Variants in MYT1L observed in about 807,000 individuals in gnomAD.
MYT1L encodes myelin transcription factor 1-like protein.
Under a neutral mutation model 126.7 loss-of-function variants are expected in MYT1L, and 12 were observed. The ratio of observed to expected loss-of-function variants is 0.09; its 90% CI spans 0.06 to 0.15. The LOEUF (loss-of-function observed/expected upper bound fraction) is 0.15. Ranked by LOEUF, MYT1L falls within the 10% of genes least tolerant of loss-of-function variation. MYT1L has a pLI of 1.00. For missense variants in MYT1L, 979 were observed against 1,585.2 expected (o/e 0.62, Z 6.49); for synonymous variants, 541 against 604.2 (o/e 0.90, Z 1.53).
intron 3 of MYT1L, among the ~76,000 whole-genome samples, chr2:2,146,376 G>A (rs1237541460): frequency 6.6e-6 from 1 of 152,158 alleles, no homozygotes; most frequent in East Asian, 1.9e-4. Flanking sequence ...CAAGGGCCTG[G>A]AGAGTGTGGC....
chr2:2,265,272 T>C (rs1041214374), intron 2 of MYT1L, among the ~76,000 whole-genome samples: 1 of 152,034 alleles, frequency 6.6e-6, no homozygotes, highest in Non-Finnish European at 1.5e-5. Flanking sequence ...TCTCCCAAAG[T>C]GTTGGGATTA....
rs114651712 is a variant in MYT1L at position 2,088,274 on chromosome 2, T to C, written c.-303-34151A>G. ...TCTAGAAGACGGAAAATAAAATGCA[T>C]TGGGAGAGCAGCACTGGCACCAGTG... is the stretch of plus-strand genomic sequence containing the variant. On this transcript the variant is annotated intron_variant, in intron 3 of 24. Transcript: ENST00000647738. 5.3e-3 allele frequency among the ~76,000 whole-genome samples: 804 copies of C among 152,256 alleles called. 5 individuals carry two copies. The highest frequency in any genetic ancestry group is 0.018 in the African/African-American group (762 of 41,546).
intron 21 of MYT1L, chr2:1,826,037 A>G (rs1002076716): frequency 2.0e-5 from 3 of 152,274 alleles, no homozygotes; most frequent in Non-Finnish European, 4.4e-5. Flanking sequence ...GTCCAGCAGG[A>G]CAGTCGGGCC....
chr2:2,164,605 C>T (rs73913235), intron 3 of MYT1L, among the ~76,000 whole-genome samples: 59 of 152,256 alleles, frequency 3.9e-4, no homozygotes, highest in African/African-American at 1.3e-3. Context: ...AGGGTAGCCA[C>T]CCCAGATTGT....
intron 3 of MYT1L, among the ~76,000 whole-genome samples, chr2:2,060,949 T>C (rs1226712906): frequency 6.6e-6 from 1 of 151,916 alleles, no homozygotes; most frequent in Non-Finnish European, 1.5e-5. Flanking sequence ...CACTTCTCCA[T>C]ATATATATTA....
Position 2,188,891 on chromosome 2 carries a change from A to ATACGGCT in MYT1L, c.-420-15904_-420-15903insAGCCGTA, listed in dbSNP as rs11283617. 2.0e-4 allele frequency among the ~76,000 whole-genome samples: 30 copies of ATACGGCT among 151,904 alleles called. No homozygotes were observed. In the South Asian group the frequency reaches 6.2e-3, roughly 31 times the overall value. ...AAATACAAAAGCTTTGTCCTGCCACAGTCTGATTTCCCTAGGATAGATGGT... is the reference window on the plus strand; with the variant it reads ...AAATACAAAAGCTTTGTCCTGCCACATACGGCTGTCTGATTTCCCTAGGATAGATGGT... On this transcript the variant is annotated intron_variant, in intron 2 of 24. Coordinates refer to ENST00000647738, the MANE Select transcript of MYT1L (RefSeq NM_001303052.2).
intron 2 of MYT1L, among the ~76,000 whole-genome samples, chr2:2,178,865 C>CA (rs1387630317): frequency 2.6e-5 from 4 of 152,192 alleles, no homozygotes; most frequent in Non-Finnish European, 5.9e-5. Context: ...CAGTCCCCAT[C>CA]ACTCCTTTCT....
intron 2 of MYT1L, among the ~76,000 whole-genome samples, chr2:2,268,874 T>C (rs2095199233): frequency 6.6e-6 from 1 of 152,144 alleles, no homozygotes; most frequent in African/African-American, 2.4e-5. Context: ...AAGATAAATC[T>C]GTAGGGAAGA....
intron 2 of MYT1L, among the ~76,000 whole-genome samples, chr2:2,252,157 C>A (rs1383818611): frequency 1.3e-5 from 2 of 152,162 alleles, no homozygotes; most frequent in East Asian, 3.9e-4. Context: ...TGCCCTGTCT[C>A]AGCCAACTTT....
At chr2:1,980,145 TAAG>T (rs1005922555) in intron 5 of MYT1L, among the ~76,000 whole-genome samples, 2 of 149,462 alleles carry the variant, frequency 1.3e-5, no homozygotes, top group African/African-American at 4.9e-5. Flanking sequence ...ATTAGGTTTA[TAAG>T]AAGGTAAATA....
intron 22 of MYT1L, among the ~76,000 whole-genome samples, chr2:1,808,186 C>A (rs73182897): frequency 2.0e-4 from 31 of 152,248 alleles, no homozygotes; most frequent in African/African-American, 5.8e-4. Flanking sequence ...TGAGAATGCA[C>A]GAATACACCT....
At chr2:2,136,841 C>T (rs149817422) in intron 3 of MYT1L, among the ~76,000 whole-genome samples, 180 of 152,004 alleles carry the variant, frequency 1.2e-3, no homozygotes, top group African/African-American at 4.1e-3. Context: ...CTGGCCAGGG[C>T]AATTAGGCAG....
intron 1 of MYT1L, among the ~76,000 whole-genome samples, chr2:2,299,957 C>T (rs1050791921): frequency 3.9e-5 from 6 of 152,202 alleles, no homozygotes; most frequent in Non-Finnish European, 5.9e-5. Flanking sequence ...AAATCAATAC[C>T]ATTTGGTATA....
intron 8 of MYT1L, among the ~76,000 whole-genome samples, chr2:1,956,222 T>TATCTA (rs1451726597): frequency 7.5e-6 from 1 of 133,588 alleles, no homozygotes; most frequent in African/African-American, 4.0e-5. Context: ...TCTATCTATC[T>TATCTA]ATCTGTCTAT....
intron 23 of MYT1L, among the ~76,000 whole-genome samples, chr2:1,798,403 C>CT (rs1219287997): frequency 6.6e-6 from 1 of 152,200 alleles, no homozygotes; most frequent in African/African-American, 2.4e-5. Context: ...CATCACCGGG[C>CT]TGTAGGCCTG....
At chr2:1,869,951 A>G (rs1558222170) in intron 18 of MYT1L, among the ~76,000 whole-genome samples, 1 of 152,204 alleles carries the variant, frequency 6.6e-6, no homozygotes, top group South Asian at 2.1e-4. Flanking sequence ...TTCAAACGAC[A>G]TTAAAAATAA....
intron 3 of MYT1L, among the ~76,000 whole-genome samples, chr2:2,064,440 G>C (rs1373587608): frequency 6.6e-6 from 1 of 152,198 alleles, no homozygotes; most frequent in Non-Finnish European, 1.5e-5. Context: ...AGATCAGGTG[G>C]AGGGAAGGAC....
chr2:2,059,125 G>T lies in MYT1L; in HGVS notation c.-303-5002C>A, dbSNP rs2070032119. Among the ~76,000 whole-genome samples the T allele has an allele frequency of 6.6e-6, 1 of 152,130 alleles. No homozygotes were observed. The highest frequency in any genetic ancestry group is 1.5e-5 in the Non-Finnish European group (1 of 68,036). On this transcript the variant is annotated intron_variant, in intron 3 of 24. Transcript: ENST00000647738. The surrounding 1 kb of genome is among the most constrained non-coding windows in gnomAD (Gnocchi z 4.7). ...CAGTGGTCTTGTTATTCCTCAAAAG[G>T]TCTGCGTGTCACCCACACTGGCGGG...
chr2:1,881,355 C>T (rs1055133510), intron 18 of MYT1L, among the ~76,000 whole-genome samples: 39 of 139,226 alleles, frequency 2.8e-4, no homozygotes, highest in African/African-American at 9.7e-4. Flanking sequence ...TTTGCAGGTT[C>T]GTGTGTGTGT....
Sources: gnomAD v4.1 joint callset for allele counts (sites outside exome capture counted in the v4.1 genomes callset) on GRCh38, gnomAD v4.1.1 for gene constraint, Gnocchi (gnomAD v3.1) non-coding constraint, MANE v1.5 for transcripts, NCBI Gene and HGNC (gene_info 2026-07-23, HGNC 2026-07-21) for gene names.